The following TTLL6 variants were observed in gnomAD, a reference collection of about 807,000 sequenced individuals.
TTLL6 encodes the protein tubulin polyglutamylase TTLL6.
Under a neutral mutation model 96.4 loss-of-function variants are expected in TTLL6, and 75 were observed. The ratio of observed to expected loss-of-function variants is 0.78; its 90% CI spans 0.65 to 0.94. TTLL6 has a LOEUF of 0.94. Ranked by LOEUF, TTLL6 falls within the 40% of genes least tolerant of loss-of-function variation. The pLI, the probability that TTLL6 is intolerant of heterozygous loss-of-function variation, is 0.00. For missense variants in TTLL6, 1,030 were observed against 1,093.0 expected, an observed-to-expected ratio of 0.94 and a Z score of 0.81; for synonymous variants, 411 against 419.4, an observed-to-expected ratio of 0.98 and a Z score of 0.24.
intron 3 of TTLL6, among the ~76,000 whole-genome samples, chr17:48,802,940 C>T (rs1021017666): frequency 5.3e-5 from 8 of 151,928 alleles, no homozygotes; most frequent in Admixed American, 4.6e-4. Context: ...GACGCTGAGG[C>T]GGGCAGATCA....
chr17:48,787,685 G>T (rs1003666672), intron 11 of TTLL6, 126 bp downstream of exon 11: 7 of 912,618 alleles, frequency 7.7e-6, no homozygotes, highest in South Asian at 1.7e-5. Flanking sequence ...CGTGAGCCAC[G>T]GCGCCTGGTT....
chr17:48,801,119 C>T, intron 5 of TTLL6, 136 bp downstream of exon 5: 1 of 778,942 alleles, frequency 1.3e-6, no homozygotes, highest in Non-Finnish European at 2.1e-6. Flanking sequence ...CCCTTTATCC[C>T]TTCTCTTCCT....
At chr17:48,765,509 A>G (rs2038584889) in intron 15 of TTLL6, 2 of 152,224 alleles carry the variant, frequency 1.3e-5, no homozygotes, top group Non-Finnish European at 2.9e-5. Context: ...GGCTAGCAAA[A>G]AAGGGTAACT....
At position 48,801,360 on chromosome 17, in the gene TTLL6, C is replaced by T; in HGVS notation, c.506G>A (p.Ser169Asn). The T allele has an allele frequency of 1.3e-6, 2 of 1,551,666 alleles. No homozygotes were observed. Among genetic ancestry groups the T allele is most frequent in the Non-Finnish European group, 1.7e-6 (2 of 1,147,008 alleles). Residue 169 changes from serine to asparagine, a missense_variant, in exon 5 of 16, where the codon AGT (serine) becomes AAT (asparagine). Ser to Asn is a conservative substitution (Grantham distance 46, BLOSUM62 1). Coordinates refer to ENST00000393382, the MANE Select transcript of TTLL6 (RefSeq NM_001130918.3). ...YQKINHFPGMSEICRKDLLAR... is the reference protein window; with the variant it reads ...YQKINHFPGMNEICRKDLLAR... ...CAGCAAGTCCTTCCGGCAGATTTCA[C>T]TCATCCCGGGGAAGTGATTGATCTT...
chr17:48,786,831 CTTT>C (rs11446945), intron 11 of TTLL6, among the ~76,000 whole-genome samples: 2 of 122,506 alleles, frequency 1.6e-5, no homozygotes, highest in Non-Finnish European at 1.6e-5. Flanking sequence ...CTTCTGTCAT[CTTT>C]TTTTTTTTTT....
intron 6 of TTLL6, among the ~76,000 whole-genome samples, chr17:48,798,935 T>G (rs182779418): frequency 5.3e-5 from 8 of 149,748 alleles, no homozygotes; most frequent in Admixed American, 4.0e-4. Flanking sequence ...GCTCAAGCAA[T>G]TCTCCAGCCT....
intron 15 of TTLL6, among the ~76,000 whole-genome samples, chr17:48,767,371 CT>C (rs1295303218): frequency 6.6e-6 from 1 of 152,174 alleles, no homozygotes; most frequent in African/African-American, 2.4e-5. Context: ...AGGCCCAGCT[CT>C]TCTCTGAGCA....
At chr17:48,762,994 T>G in intron 15 of TTLL6, 21 bp from the exon 16 acceptor site, 1 of 439,564 alleles carries the variant, frequency 2.3e-6, no homozygotes, top group Non-Finnish European at 4.5e-6. Context: ...AAAATTTTTT[T>G]TTTAGATTTT....
Position 48,810,042 on chromosome 17 carries a change from G to A in TTLL6, c.104-5051C>T, listed in dbSNP as rs547621276. Reference sequence around the variant, plus strand: ...TAATCCCACCTCCTCAGGAGGCTGAGGCAGGAGAATTGCTTGAACCTGGGA... The same window carrying A: ...TAATCCCACCTCCTCAGGAGGCTGAAGCAGGAGAATTGCTTGAACCTGGGA... On this transcript the variant is annotated intron_variant, in intron 1 of 15. Coordinates refer to ENST00000393382, the MANE Select transcript of TTLL6 (RefSeq NM_001130918.3). 7.9e-5 allele frequency among the ~76,000 whole-genome samples: 12 copies of A among 151,480 alleles called. No homozygotes were observed. The East Asian group carries it at 2.1e-3, about 27-fold the overall frequency.
chr17:48,797,171 G>A lies in TTLL6; in HGVS notation c.802C>T (p.Arg268Trp), dbSNP rs1321609064. ...FIIDGFKFDL[R>W]IYVLVTSCDP... Reference sequence around the variant, plus strand: ...CAGGATGTCACCAGTACATAAATCCGTAGGTCAAACTTAAACCCATCAATG... The same window carrying A: ...CAGGATGTCACCAGTACATAAATCCATAGGTCAAACTTAAACCCATCAATG... Residue 268 changes from arginine (R) to tryptophan (W), a missense_variant, in exon 7 of 16, where the codon CGG (arginine) becomes TGG (tryptophan). Arg to Trp is a moderately radical substitution (Grantham distance 101). Coordinates refer to ENST00000393382, the MANE Select transcript of TTLL6 (RefSeq NM_001130918.3). 4.2e-5 allele frequency: 65 copies of A among 1,551,340 alleles called. No individual in the cohort carries two copies. Among genetic ancestry groups the A allele is most frequent in the Non-Finnish European group, 5.2e-5 (60 of 1,146,920 alleles).
chr17:48,765,878 C>T (rs2038593990), intron 15 of TTLL6: 1 of 152,226 alleles, frequency 6.6e-6, no homozygotes. Flanking sequence ...ATGGCCATGC[C>T]CTCAGCCATT....
intron 3 of TTLL6, among the ~76,000 whole-genome samples, chr17:48,801,872 C>T (rs985238477): frequency 6.6e-6 from 1 of 151,386 alleles, no homozygotes; most frequent in Non-Finnish European, 1.5e-5. Flanking sequence ...TGGCAAAACC[C>T]CACCTCTACT....
chr17:48,777,392 C>T (rs1034902557), intron 13 of TTLL6, among the ~76,000 whole-genome samples: 1 of 151,972 alleles, frequency 6.6e-6, no homozygotes, highest in Non-Finnish European at 1.5e-5. Flanking sequence ...GTCAGGAGTT[C>T]GAGACCAGCC....
At chr17:48,774,512 A>T (rs1166320422) in intron 13 of TTLL6, among the ~76,000 whole-genome samples, 1 of 152,014 alleles carries the variant, frequency 6.6e-6, no homozygotes, top group Non-Finnish European at 1.5e-5. Flanking sequence ...TAACTCCAGC[A>T]ACATTTATAA....
At position 48,784,708 on chromosome 17, in the gene TTLL6, C is replaced by T. The variant is rs113458929; in HGVS notation, c.2040+215G>A. 7.4e-3 allele frequency among the ~76,000 whole-genome samples: 1,120 copies of T among 152,254 alleles called. 12 individuals carry two copies. Among genetic ancestry groups the T allele is most frequent in the African/African-American group, 0.025 (1,019 of 41,528 alleles). On this transcript the variant is annotated intron_variant, in intron 13 of 15. Coordinates refer to ENST00000393382, the MANE Select transcript of TTLL6 (RefSeq NM_001130918.3). Reference sequence around the variant, plus strand: ...CTCTAGGAACCACTCCAGGGGATAACCTGCCTCCCAAGAGGGGACGCACAA... The same window carrying T: ...CTCTAGGAACCACTCCAGGGGATAATCTGCCTCCCAAGAGGGGACGCACAA...
intron 9 of TTLL6, among the ~76,000 whole-genome samples, chr17:48,790,530 G>A (rs1467052228): frequency 6.6e-6 from 1 of 152,186 alleles, no homozygotes; most frequent in Non-Finnish European, 1.5e-5. Context: ...GGAGGAAGGA[G>A]AGGACTCATT....
intron 6 of TTLL6, among the ~76,000 whole-genome samples, chr17:48,799,018 G>C (rs575153253): frequency 6.6e-6 from 1 of 151,942 alleles, no homozygotes; most frequent in Non-Finnish European, 1.5e-5. Context: ...AAAGGGTTTC[G>C]TCATGTTTCC....
chr17:48,776,705 A>G (rs1597966839), intron 13 of TTLL6, among the ~76,000 whole-genome samples: 1 of 152,180 alleles, frequency 6.6e-6, no homozygotes, highest in African/African-American at 2.4e-5. Context: ...GGAAGACTAG[A>G]AGATTCACTA....
rs898810913 is a variant in TTLL6, at chr17:48,811,335, G to A, written c.103+5635C>T. Among the ~76,000 whole-genome samples, 3 of 152,142 alleles carry A rather than the reference G, an allele frequency of 2.0e-5. No homozygotes were observed. In the South Asian group the frequency reaches 6.2e-4, roughly 32 times the overall value. On this transcript the variant is annotated intron_variant, in intron 1 of 15. Coordinates refer to ENST00000393382, the MANE Select transcript of TTLL6 (RefSeq NM_001130918.3). ...TCCACCCACCTTGGCCACTCAAAGT[G>A]CTGGGATTACTCAAAGCAAGTGTGA...
Sources: gnomAD v4.1 joint callset for allele counts (sites outside exome capture counted in the v4.1 genomes callset) on GRCh38, gnomAD v4.1.1 for gene constraint, MANE v1.5 for transcripts, NCBI Gene and HGNC (gene_info 2026-07-23, HGNC 2026-07-21) for gene names.